Variants in LHFPL6 observed in about 807,000 individuals in gnomAD.
LHFPL6 encodes LHFPL tetraspan subfamily member 6 protein.
LHFPL6 carries 9 observed loss-of-function variants against 20.6 expected under a neutral mutation model. The observed-to-expected ratio is 0.44, with a 90% CI of 0.26 to 0.76. The LOEUF is 0.76. Ranked by LOEUF, LHFPL6 falls within the 30% of genes least tolerant of loss-of-function variation. LHFPL6 has a pLI of 0.20. For synonymous variants in LHFPL6, 105 were observed against 98.7 expected, an observed-to-expected ratio of 1.06 and a Z score of -0.38; for missense variants, 218 against 253.5, an observed-to-expected ratio of 0.86 and a Z score of 0.95.
intron 2 of LHFPL6, among the ~76,000 whole-genome samples, chr13:39,395,585 CG>C (rs1348067523): frequency 6.6e-6 from 1 of 152,182 alleles, no homozygotes; most frequent in Admixed American, 6.5e-5. Flanking sequence ...TCCATCACTC[CG>C]GGCGGGAGGT....
chr13:39,593,443 C>T (rs1320811793), intron 2 of LHFPL6, among the ~76,000 whole-genome samples: 1 of 152,000 alleles, frequency 6.6e-6, no homozygotes, highest in African/African-American at 2.4e-5. Context: ...AACTACAAAC[C>T]ACTGCTCAAT....
intron 2 of LHFPL6, among the ~76,000 whole-genome samples, chr13:39,596,008 C>T (rs1872760244): frequency 6.6e-6 from 1 of 152,142 alleles, no homozygotes; most frequent in South Asian, 2.1e-4. Context: ...TGAAAATCCA[C>T]TGCATGCAAA....
chr13:39,353,145 G>A (rs922120361), intron 3 of LHFPL6, among the ~76,000 whole-genome samples: 2 of 150,700 alleles, frequency 1.3e-5, no homozygotes, highest in East Asian at 4.0e-4. Flanking sequence ...ACCATGCCCA[G>A]CTAATTTTTG....
intron 2 of LHFPL6, among the ~76,000 whole-genome samples, chr13:39,468,475 T>G (rs920044407): frequency 6.8e-6 from 1 of 148,024 alleles, no homozygotes; most frequent in Non-Finnish European, 1.5e-5. Flanking sequence ...TATTGAGCAG[T>G]TCCTGAAAAA....
intron 3 of LHFPL6, among the ~76,000 whole-genome samples, chr13:39,345,530 A>G (rs1490856827): frequency 3.2e-5 from 4 of 123,176 alleles, no homozygotes; most frequent in Admixed American, 8.4e-5. Context: ...AAAAAAAAAA[A>G]AAAAAAAAAA....
intron 2 of LHFPL6, among the ~76,000 whole-genome samples, chr13:39,497,300 G>A (rs1347289154): frequency 3.3e-5 from 5 of 152,146 alleles, no homozygotes; most frequent in African/African-American, 9.7e-5. Flanking sequence ...TACCATGAGG[G>A]AAAGGTCAAG....
intron 2 of LHFPL6, among the ~76,000 whole-genome samples, chr13:39,488,156 G>A (rs1045609291): frequency 2.0e-5 from 3 of 152,186 alleles, no homozygotes; most frequent in Non-Finnish European, 4.4e-5. Context: ...TTACCCGCAT[G>A]TAAGGGCACA....
rs148085061 is a variant in LHFPL6 at position 39,413,238 on chromosome 13, T to C, written c.386-34712A>G. The stretch of plus-strand genomic sequence containing the variant: ...GAAAAATAGCATTTGTTATTCATTT[T>C]AATCCAATTTAACATACTTGTATTA... On this transcript the variant is annotated intron_variant, in intron 2 of 3. Transcript: ENST00000379589. 2.8e-3 allele frequency among the ~76,000 whole-genome samples: 419 copies of C among 152,352 alleles called. 3 individuals are homozygous for C. The highest frequency in any genetic ancestry group is 9.4e-3 in the African/African-American group (389 of 41,574).
chr13:39,461,432 GA>G (rs1189156313), intron 2 of LHFPL6, among the ~76,000 whole-genome samples: 2 of 152,172 alleles, frequency 1.3e-5, no homozygotes, highest in Admixed American at 1.3e-4. Flanking sequence ...CACAGTGGCT[GA>G]ACTAATCTCC....
At chr13:39,503,091 T>C (rs1053855672) in intron 2 of LHFPL6, among the ~76,000 whole-genome samples, 2 of 152,066 alleles carry the variant, frequency 1.3e-5, no homozygotes, top group African/African-American at 4.8e-5. Context: ...TCCATACATA[T>C]GTGAGTCCTA....
At position 39,496,355 on chromosome 13, in the gene LHFPL6, T is replaced by C. The variant is rs1048180097; in HGVS notation, c.385+104477A>G. 2.6e-5 allele frequency among the ~76,000 whole-genome samples: 4 copies of C among 152,056 alleles called. No homozygotes were observed. The East Asian group carries it at 7.7e-4, about 29-fold the overall frequency. On this transcript the variant is annotated intron_variant, in intron 2 of 3. Transcript: ENST00000379589. Reference sequence around the variant, plus strand: ...TAAGGGCTCAACCCTCATGACTTAATCAGCTCTTAAAGGCCCCATCTCCAA... The same window carrying C: ...TAAGGGCTCAACCCTCATGACTTAACCAGCTCTTAAAGGCCCCATCTCCAA...
At chr13:39,489,902 C>A (rs1868861147) in intron 2 of LHFPL6, among the ~76,000 whole-genome samples, 1 of 152,046 alleles carries the variant, frequency 6.6e-6, no homozygotes, top group African/African-American at 2.4e-5. Context: ...ATTTACTACA[C>A]AATTTCTAAA....
chr13:39,498,730 G>T (rs567145051), intron 2 of LHFPL6, among the ~76,000 whole-genome samples: 1 of 152,132 alleles, frequency 6.6e-6, no homozygotes, highest in Non-Finnish European at 1.5e-5. Context: ...AAGGATAAAG[G>T]GTGCAAGGAG....
At chr13:39,598,684 T>G (rs978077220) in intron 2 of LHFPL6, among the ~76,000 whole-genome samples, 1 of 152,112 alleles carries the variant, frequency 6.6e-6, no homozygotes, top group Non-Finnish European at 1.5e-5. Context: ...GCCTCCGAAG[T>G]AGCAGGGACT....
intron 2 of LHFPL6, among the ~76,000 whole-genome samples, chr13:39,586,596 T>C (rs1872455593): frequency 6.6e-6 from 1 of 152,244 alleles, no homozygotes; most frequent in Non-Finnish European, 1.5e-5. Flanking sequence ...GAGATATTCA[T>C]TCATTCATCT....
intron 3 of LHFPL6, among the ~76,000 whole-genome samples, chr13:39,359,190 T>C (rs1350664498): frequency 6.6e-6 from 1 of 152,052 alleles, no homozygotes; most frequent in Admixed American, 6.6e-5. Context: ...ACATAGGTGT[T>C]GGCAGGACTG....
intron 2 of LHFPL6, among the ~76,000 whole-genome samples, chr13:39,501,853 G>A (rs1869305388): frequency 1.3e-5 from 2 of 152,214 alleles, no homozygotes; most frequent in Admixed American, 1.3e-4. Context: ...AGAAAAAGAG[G>A]AGCCAAGAGT....
At chr13:39,484,735 T>C (rs74044078) in intron 2 of LHFPL6, among the ~76,000 whole-genome samples, 9,935 of 152,238 alleles carry the variant, frequency 0.065, 565 homozygotes, top group African/African-American at 0.13. Flanking sequence ...AATAAACCAC[T>C]CTGAGAAATA....
intron 2 of LHFPL6, among the ~76,000 whole-genome samples, chr13:39,412,142 G>T (rs1438060104): frequency 6.6e-6 from 1 of 152,166 alleles, no homozygotes; most frequent in African/African-American, 2.4e-5. Context: ...ACATTTTTAG[G>T]TCTATTTATT....
Sources: gnomAD v4.1 joint callset for allele counts (sites outside exome capture counted in the v4.1 genomes callset) on GRCh38, gnomAD v4.1.1 for gene constraint, MANE v1.5 for transcripts, NCBI Gene and HGNC (gene_info 2026-07-23, HGNC 2026-07-21) for gene names.